DYNC2H1: variants seen among roughly 807,000 people sequenced by gnomAD.
DYNC2H1 encodes cytoplasmic dynein 2 heavy chain 1.
DYNC2H1 carries 410 observed loss-of-function variants against 570.0 expected under a neutral mutation model. That is an observed-to-expected ratio of 0.72 (90% CI 0.66 to 0.78). The LOEUF (loss-of-function observed/expected upper bound fraction) is 0.78. DYNC2H1 is among the 30% of genes least tolerant of loss of function. The pLI, the probability that DYNC2H1 is intolerant of heterozygous loss-of-function variation, is 0.00. For synonymous variants in DYNC2H1, 1,688 were observed against 1,677.6 expected, an observed-to-expected ratio of 1.01 and a Z score of -0.15; for missense variants, 4,865 against 5,046.4, an observed-to-expected ratio of 0.96 and a Z score of 1.09.
At chr11:103,118,645 C>G (rs971527336) in intron 6 of DYNC2H1, among the ~76,000 whole-genome samples, 2 of 152,042 alleles carry the variant, frequency 1.3e-5, no homozygotes, top group African/African-American at 4.8e-5. Flanking sequence ...TATGTCTAGC[C>G]AGCATGTATT....
intron 83 of DYNC2H1, among the ~76,000 whole-genome samples, chr11:103,390,192 G>A (rs1942077809): frequency 1.3e-5 from 2 of 152,152 alleles, no homozygotes; most frequent in Admixed American, 6.5e-5. Context: ...TGTATTGGGT[G>A]CATATATATT....
At chr11:103,160,792 A>T (rs1025143551) in intron 28 of DYNC2H1, 140 bp from the exon 29 acceptor site, 4 of 413,900 alleles carry the variant, frequency 9.7e-6, no homozygotes, top group Admixed American at 4.5e-5. Flanking sequence ...CACTAGGAGC[A>T]CTATATATTA....
chr11:103,238,582 TAC>T (rs10571344), intron 63 of DYNC2H1, among the ~76,000 whole-genome samples: 125,048 of 150,054 alleles, frequency 0.83, 52,668 homozygotes, highest in Non-Finnish European at 0.89. Flanking sequence ...CACACACACA[TAC>T]ACACACACAC....
At chr11:103,215,630 G>T in intron 54 of DYNC2H1, 91 bp from the exon 55 acceptor site, 1 of 1,305,680 alleles carries the variant, frequency 7.7e-7, no homozygotes, top group Non-Finnish European at 1.0e-6. Context: ...CACTTAACAT[G>T]TTTGCTTGAT....
chr11:103,417,405 A>G (rs553717913), intron 84 of DYNC2H1, among the ~76,000 whole-genome samples: 2 of 152,270 alleles, frequency 1.3e-5, no homozygotes, highest in Admixed American at 1.3e-4. Context: ...CTGGCCCAAT[A>G]AAGTGATTTT....
intron 5 of DYNC2H1, 86 bp downstream of exon 5, chr11:103,116,800 G>C: frequency 8.2e-7 from 1 of 1,219,260 alleles, no homozygotes; most frequent in Non-Finnish European, 1.1e-6. Flanking sequence ...TACTTAAAAT[G>C]CTCCTTTATG....
In DYNC2H1 at chr11:103,430,267, C is replaced by T. The variant is rs1313878256; in HGVS notation, c.12367-5676C>T. Among the ~76,000 whole-genome samples the T allele has an allele frequency of 5.3e-5, 8 of 152,198 alleles. No homozygotes were observed. In the East Asian group the frequency reaches 1.4e-3, roughly 26 times the overall value. ...GTGTTTTTTTGTGCAAGTCACTTAA[C>T]CTTTCTCTACATCAGTTTCCAGATA... On this transcript the variant is annotated intron_variant, in intron 84 of 88. Transcript: ENST00000375735.
chr11:103,321,240 A>G lies in DYNC2H1; in HGVS notation c.11934+3A>G. ...TACCACAATCCTGCAGCATTTTGGT[A>G]GGTAAAATGAATGATTTTCAATCTA... On this transcript the variant is annotated splice_donor_region_variant and intron_variant, in intron 81 of 88. Transcript: ENST00000375735. 3.1e-6 allele frequency: 5 copies of G among 1,599,586 alleles called. No individual in the cohort carries two copies. Among genetic ancestry groups the G allele is most frequent in the Non-Finnish European group, 4.3e-6 (5 of 1,171,440 alleles).
intron 85 of DYNC2H1, among the ~76,000 whole-genome samples, chr11:103,448,135 A>G (rs1299812172): frequency 2.6e-5 from 4 of 152,158 alleles, no homozygotes; most frequent in Non-Finnish European, 5.9e-5. Context: ...GGGGAAGAAA[A>G]TAATAACTTT....
At chr11:103,230,622 A>G (rs1863969054) in intron 59 of DYNC2H1, among the ~76,000 whole-genome samples, 1 of 152,146 alleles carries the variant, frequency 6.6e-6, no homozygotes, top group Admixed American at 6.6e-5. Flanking sequence ...TGTTACCTTC[A>G]TAAGTATCTG....
chr11:103,116,583 T>C lies in DYNC2H1; in HGVS notation c.635T>C (p.Leu212Ser), dbSNP rs1311530268. 1.3e-6 allele frequency: 2 copies of C among 1,583,888 alleles called. No individual in the cohort carries two copies. The highest frequency in any genetic ancestry group is 2.7e-5 in the African/African-American group (2 of 73,932). ...FETIAREFYN[L>S]DSLSLLEVVD... is the part of the protein sequence containing the mutation. ...ATTTTTTTCTAGGAGTTTTATAACT[T>C]GGACAGTCTATCCTTACTAGAAGTT... is the stretch of plus-strand genomic sequence containing the variant. The change falls in exon 5 of 89, where the codon TTG becomes TCG. Residue 212 changes from leucine (L) to serine (S), a missense_variant. By Grantham distance (145) the Leu-to-Ser change is moderately radical. This residue lies in a region of DYNC2H1 where 1,936 missense variants were observed against 1,962.1 expected (regional missense o/e 0.99). Coordinates refer to ENST00000375735, the MANE Select transcript of DYNC2H1 (RefSeq NM_001377.3).
chr11:103,138,241 C>T (rs1468010596), intron 17 of DYNC2H1, among the ~76,000 whole-genome samples: 1 of 152,004 alleles, frequency 6.6e-6, no homozygotes, highest in African/African-American at 2.4e-5. Flanking sequence ...CCTAATTGCC[C>T]TGGCCAGAAC....
chr11:103,280,387 A>G lies in DYNC2H1; in HGVS notation c.10735A>G (p.Met3579Val). 6.4e-7 allele frequency: 1 copy of G among 1,555,646 alleles called. No individual in the cohort carries two copies. The highest frequency in any genetic ancestry group is 8.7e-7 in the Non-Finnish European group (1 of 1,148,318). ...LMFALHFVRGMHPELFQENEW... is the reference protein window; with the variant it reads ...LMFALHFVRGVHPELFQENEW... ...GTTCGCTTTGCATTTTGTTCGAGGCATGCATCCTGAACTTTTTCAAGAAAA... is the reference window on the plus strand; with the variant it reads ...GTTCGCTTTGCATTTTGTTCGAGGCGTGCATCCTGAACTTTTTCAAGAAAA... The change falls in exon 71 of 89, where the codon ATG becomes GTG. Residue 3579 changes from methionine to valine, a missense_variant. Met to Val is a conservative substitution (Grantham distance 21). This residue lies in a region of DYNC2H1 where 2,401 missense variants were observed against 2,454.6 expected (regional missense o/e 0.98). Transcript: ENST00000375735. This position sits in a 1 kb window ranked among gnomAD's most constrained non-coding sequence, Gnocchi z 4.7.
chr11:103,234,258 T>C (rs1393501462), intron 61 of DYNC2H1, 98 bp downstream of exon 61: 3 of 1,357,338 alleles, frequency 2.2e-6, no homozygotes, highest in Non-Finnish European at 3.0e-6. Context: ...GATCCATTAA[T>C]TTGCACCTGG....
At chr11:103,422,626 G>A (rs1943526770) in intron 84 of DYNC2H1, among the ~76,000 whole-genome samples, 2 of 152,084 alleles carry the variant, frequency 1.3e-5, no homozygotes. Flanking sequence ...AAGGCCTTCT[G>A]TAAAATTCAG....
intron 67 of DYNC2H1, among the ~76,000 whole-genome samples, 188 bp downstream of exon 67, chr11:103,255,722 A>G (rs1365589026): frequency 6.6e-6 from 1 of 152,092 alleles, no homozygotes; most frequent in Non-Finnish European, 1.5e-5. Context: ...CTTAATGAGC[A>G]ATGTTTAAGA....
intron 60 of DYNC2H1, among the ~76,000 whole-genome samples, chr11:103,233,675 T>C (rs901173433): frequency 6.6e-6 from 1 of 151,930 alleles, no homozygotes; most frequent in Non-Finnish European, 1.5e-5. Flanking sequence ...CATATATTAA[T>C]GGTTTTGCTG....
chr11:103,283,079 A>T lies in DYNC2H1; in HGVS notation c.10884A>T (p.Thr3628=), dbSNP rs371844948. 114 of 1,604,372 alleles carry T rather than the reference A, an allele frequency of 7.1e-5. No individual in the cohort carries two copies. In the African/African-American group the frequency reaches 1.5e-3, roughly 21 times the overall value. ...AGGAACGAAGCTGGGCCGTGGCAAC[A>T]TTAAAGGTATTCCTTTTCTACTATG... ...IDQERSWAVA[T]LKIALPSLYQ... The change falls in exon 73 of 89, where the codon ACA becomes ACT. Residue 3628 remains threonine (T), a synonymous_variant. Transcript: ENST00000375735.
chr11:103,429,921 T>C (rs1943826921), intron 84 of DYNC2H1, among the ~76,000 whole-genome samples: 1 of 152,202 alleles, frequency 6.6e-6, no homozygotes, highest in African/African-American at 2.4e-5. Context: ...AAATTGCAGT[T>C]ACAGTGCTGT....
Sources: gnomAD v4.1 joint callset for allele counts (sites outside exome capture counted in the v4.1 genomes callset) on GRCh38, gnomAD v4.1.1 for gene constraint, gnomAD v4.1.1 regional missense constraint, Gnocchi (gnomAD v3.1) non-coding constraint, MANE v1.5 for transcripts, NCBI Gene and HGNC (gene_info 2026-07-23, HGNC 2026-07-21) for gene names.